The following INTS5 variants were observed in gnomAD, a reference collection of about 807,000 sequenced individuals.
INTS5 encodes KIAA1698.
Under a neutral mutation model 60.0 loss-of-function variants are expected in INTS5, and 29 were observed. The observed-to-expected ratio is 0.48, with a 90% CI of 0.36 to 0.66. INTS5 has a LOEUF of 0.66. INTS5 is among the 30% of genes least tolerant of loss of function. INTS5 has a pLI of 0.00. For synonymous variants in INTS5, 588 were observed against 558.8 expected (o/e 1.05, Z -0.74); for missense variants, 1,129 against 1,307.9 (o/e 0.86, Z 2.11).
intron 1 of INTS5, among the ~76,000 whole-genome samples, chr11:62,651,910 C>A (rs568585115): frequency 1.8e-4 from 27 of 152,204 alleles, no homozygotes; most frequent in African/African-American, 6.5e-4. Flanking sequence ...GTGTAGGAAC[C>A]ATTTCTGTGC....
At position 62,653,223 on chromosome 11, in the gene INTS5, C is replaced by T; in HGVS notation, c.27G>A (p.Gly9=). 1 of 1,246,420 alleles carries T rather than the reference C, an allele frequency of 8.0e-7. No homozygotes were observed. Among genetic ancestry groups the T allele is most frequent in the Non-Finnish European group, 1.0e-6 (1 of 987,672 alleles). The allele number at this position is 1,246,420 out of a possible 1,614,324, so 77.2% of individuals were successfully genotyped here. MSALCDPP[G]APGPPGPAPA... ...GGGCAGGCCCAGGTGGCCCTGGGGC[C>T]CCGGGAGGGTCGCACAGCGCGGACA... is the stretch of plus-strand genomic sequence containing the variant. Residue 9 remains glycine, a synonymous_variant, in exon 1 of 2, where the codon GGG becomes GGA. Coordinates refer to ENST00000330574, the MANE Select transcript of INTS5 (RefSeq NM_030628.2).
Position 62,653,050 on chromosome 11 carries a change from G to C in INTS5, c.80+120C>G, listed in dbSNP as rs543991546. The C allele has an allele frequency of 1.9e-3, 1,159 of 618,886 alleles. 5 individuals carry two copies. The highest frequency in any genetic ancestry group is 2.5e-3 in the Non-Finnish European group (1,054 of 420,414). The allele number at this position is 618,886 out of a possible 1,614,324, so 38.3% of individuals were successfully genotyped here. ...CAGTCCCTGAGTTCTGGGAGGACCT[G>C]ACCAAGAATCTGAGAACCCTGACGT... is the stretch of plus-strand genomic sequence containing the variant. On this transcript the variant is annotated intron_variant, in intron 1 of 1. Coordinates refer to ENST00000330574, the MANE Select transcript of INTS5 (RefSeq NM_030628.2).
At position 62,649,115 on chromosome 11, in the gene INTS5, G is replaced by C; in HGVS notation, c.965C>G (p.Ala322Gly). The change falls in exon 2 of 2, where the codon GCA becomes GGA. Residue 322 changes from alanine to glycine, a missense_variant. Coordinates refer to ENST00000330574, the MANE Select transcript of INTS5 (RefSeq NM_030628.2). The surrounding 1 kb of genome is among the most constrained non-coding windows in gnomAD (Gnocchi z 6.0). ...CCCACTGCGGCCTCCAGATCCCCCTGCCAGGCTATCATGGAACATTCGCAG... is the reference window on the plus strand; with the variant it reads ...CCCACTGCGGCCTCCAGATCCCCCTCCCAGGCTATCATGGAACATTCGCAG... Reference protein sequence around the residue: ...ELLRMFHDSLAGGSGGRSGDP... With the variant: ...ELLRMFHDSLGGGSGGRSGDP... 6.2e-7 allele frequency: 1 copy of C among 1,611,226 alleles called. No homozygotes were observed. Among genetic ancestry groups the C allele is most frequent in the Non-Finnish European group, 8.5e-7 (1 of 1,177,682 alleles).
chr11:62,653,235 G>A lies in INTS5; in HGVS notation c.15C>T (p.Cys5=). 1 of 1,244,902 alleles carries A rather than the reference G, an allele frequency of 8.0e-7. No individual in the cohort carries two copies. Among genetic ancestry groups the A allele is most frequent in the South Asian group, 4.1e-5 (1 of 24,360 alleles). 77.1% of individuals were successfully genotyped at this position (1,244,902 alleles called of 1,614,324 possible). A position where few individuals can be genotyped will look rare whatever the true frequency, so the allele number is the denominator to read the frequency against. The change falls in exon 1 of 2, where the codon TGC becomes TGT. Residue 5 remains cysteine, a synonymous_variant. Coordinates refer to ENST00000330574, the MANE Select transcript of INTS5 (RefSeq NM_030628.2). ...GTGGCCCTGGGGCCCCGGGAGGGTC[G>A]CACAGCGCGGACATCCCGGAGCCCG... MSAL[C]DPPGAPGPPG...
In INTS5 at chr11:62,647,924, A is replaced by C; in HGVS notation, c.2156T>G (p.Val719Gly). 1 of 1,614,206 alleles carries C rather than the reference A, an allele frequency of 6.2e-7. No individual in the cohort carries two copies. Among genetic ancestry groups the C allele is most frequent in the Non-Finnish European group, 8.5e-7 (1 of 1,180,038 alleles). The change falls in exon 2 of 2, where the codon GTT becomes GGT. Residue 719 changes from valine to glycine, a missense_variant. Physicochemically the swap from Val to Gly is moderately radical, Grantham distance 109. Transcript: ENST00000330574. ...VDGDNETLSVVSASLASASLL... is the reference protein window; with the variant it reads ...VDGDNETLSVGSASLASASLL... ...GGAGGCAGAAGCCAAAGAAGCTGAA[A>C]CAACTGAGAGAGTCTCATTGTCCCC...
rs1222331858 is a variant in INTS5, at chr11:62,653,260, G to A, written c.-11C>T. ...GCACAGCGCGGACATCCCGGAGCCC[G>A]AGCCGAGCCCGAGGCGCGAGCGGCG... On this transcript the variant is annotated 5_prime_UTR_variant, in exon 1 of 2. Transcript: ENST00000330574. 95 of 1,242,800 alleles carry A rather than the reference G, an allele frequency of 7.6e-5. No homozygotes were observed. Among genetic ancestry groups the A allele is most frequent in the Non-Finnish European group, 8.2e-5 (81 of 987,208 alleles). The allele number at this position is 1,242,800 out of a possible 1,614,324, so 77.0% of individuals were successfully genotyped here. A position where few individuals can be genotyped will look rare whatever the true frequency, so the allele number is the denominator to read the frequency against.
chr11:62,648,089 G>A lies in INTS5; in HGVS notation c.1991C>T (p.Pro664Leu). 1 of 1,614,058 alleles carries A rather than the reference G, an allele frequency of 6.2e-7. No homozygotes were observed. The highest frequency in any genetic ancestry group is 1.1e-5 in the South Asian group (1 of 91,084). ...RFFASLRLHGPPGVASACQLL... is the reference protein window; with the variant it reads ...RFFASLRLHGLPGVASACQLL... ...CTGACAGGCTGAGGCCACACCTGGGGGTCCATGCAGCCTCAGAGAGGCAAA... is the reference window on the plus strand; with the variant it reads ...CTGACAGGCTGAGGCCACACCTGGGAGTCCATGCAGCCTCAGAGAGGCAAA... The change falls in exon 2 of 2, where the codon CCC becomes CTC. Residue 664 changes from proline (P) to leucine (L), a missense_variant. By Grantham distance (98) the Pro-to-Leu change is moderately conservative. This residue lies in a region of INTS5 where 1,070 missense variants were observed against 1,246.1 expected (regional missense o/e 0.86). Coordinates refer to ENST00000330574, the MANE Select transcript of INTS5 (RefSeq NM_030628.2). The surrounding 1 kb of genome is among the most constrained non-coding windows in gnomAD (Gnocchi z 4.4).
chr11:62,651,646 G>GC (rs1478934598), intron 1 of INTS5, among the ~76,000 whole-genome samples: 3 of 151,026 alleles, frequency 2.0e-5, no homozygotes, highest in African/African-American at 7.3e-5. Context: ...TCGCTTGAGC[G>GC]CAAGAGTTCA....
rs935474183 is a variant in INTS5 at position 62,648,158 on chromosome 11, G to A, written c.1922C>T (p.Pro641Leu). The A allele has an allele frequency of 1.9e-6, 3 of 1,613,258 alleles. No homozygotes were observed. The highest frequency in any genetic ancestry group is 1.6e-4 in the Middle Eastern group (1 of 6,082). The change falls in exon 2 of 2, where the codon CCC becomes CTC. Residue 641 changes from proline to leucine, a missense_variant. This residue lies in a region of INTS5 where 1,070 missense variants were observed against 1,246.1 expected (regional missense o/e 0.86). Transcript: ENST00000330574. The surrounding 1 kb of genome is among the most constrained non-coding windows in gnomAD (Gnocchi z 4.4). ...ICPFPSEALS[P>L]SQLLGLVRAG... Reference sequence around the variant, plus strand: ...CCTTACCAGTCCCAGGAGCTGGGAGGGGGATAAGGCTTCAGAAGGAAAGGG... The same window carrying A: ...CCTTACCAGTCCCAGGAGCTGGGAGAGGGATAAGGCTTCAGAAGGAAAGGG...
In INTS5 at chr11:62,649,922, C is replaced by T. The variant is rs570104138; in HGVS notation, c.158G>A (p.Arg53Gln). Residue 53 changes from arginine (R) to glutamine (Q), a missense_variant, in exon 2 of 2, where the codon CGG becomes CAG. Arg to Gln is a conservative substitution (Grantham distance 43). This residue lies in a region of INTS5 where 1,070 missense variants were observed against 1,246.1 expected (regional missense o/e 0.86). Transcript: ENST00000330574. The surrounding 1 kb of genome is among the most constrained non-coding windows in gnomAD (Gnocchi z 6.0). The part of the protein sequence containing the change: ...DPILGHQLSA[R>Q]EHARCGLLLL... ...GAGAAGACCACAGCGAGCATGTTCC[C>T]GGGCTGAGAGTTGGTGGCCCAGAAT... 25 of 1,613,990 alleles carry T rather than the reference C, an allele frequency of 1.5e-5. No homozygotes were observed. The highest frequency in any genetic ancestry group is 4.5e-5 in the East Asian group (2 of 44,892).
chr11:62,649,566 C>A lies in INTS5; in HGVS notation c.514G>T (p.Ala172Ser), dbSNP rs868022906. Residue 172 changes from alanine (A) to serine (S), a missense_variant, in exon 2 of 2, where the codon GCT (alanine) becomes TCT (serine). Ala to Ser is a moderately conservative substitution (Grantham distance 99). Coordinates refer to ENST00000330574, the MANE Select transcript of INTS5 (RefSeq NM_030628.2). This position sits in a 1 kb window ranked among gnomAD's most constrained non-coding sequence, Gnocchi z 6.0. ...QHQRVPHATGALNELLQLWMG... is the reference protein window; with the variant it reads ...QHQRVPHATGSLNELLQLWMG... ...CACAGCTGTAGCAGTTCATTAAGAG[C>A]GCCAGTAGCGTGGGGAACACGCTGG... The A allele has an allele frequency of 3.1e-6, 5 of 1,614,038 alleles. No individual in the cohort carries two copies. In the African/African-American group the frequency reaches 6.7e-5, roughly 22 times the overall value.
chr11:62,650,573 C>T (rs1029885823), intron 1 of INTS5, among the ~76,000 whole-genome samples: 8 of 152,044 alleles, frequency 5.3e-5, no homozygotes, highest in African/African-American at 1.9e-4. Flanking sequence ...CCACCATACC[C>T]GGCTAATTTT....
In INTS5 at chr11:62,653,270, C is replaced by A. The variant is rs1176026583; in HGVS notation, c.-21G>T. ...GACATCCCGGAGCCCGAGCCGAGCC[C>A]GAGGCGCGAGCGGCGGAGCGCAGGC... is the stretch of plus-strand genomic sequence containing the variant. On this transcript the variant is annotated 5_prime_UTR_variant, in exon 1 of 2. Transcript: ENST00000330574. 2 of 1,242,092 alleles carry A rather than the reference C, an allele frequency of 1.6e-6. No homozygotes were observed. The highest frequency in any genetic ancestry group is 1.6e-5 in the African/African-American group (1 of 64,438). 76.9% of individuals were successfully genotyped at this position (1,242,092 alleles called of 1,614,324 possible). A position where few individuals can be genotyped will look rare whatever the true frequency, so the allele number is the denominator to read the frequency against.
At chr11:62,653,016 TTGGTGAAGCAGTCCCTGAGTTC>T (rs1261051388) in intron 1 of INTS5, among the ~76,000 whole-genome samples, 132 bp downstream of exon 1, 1 of 152,106 alleles carries the variant, frequency 6.6e-6, no homozygotes, top group Non-Finnish European at 1.5e-5. Flanking sequence ...GCCCTGAGTT[TTGGTGAAGCAGTCCCTGAGTTC>T]TGGGAGGACC....
At position 62,653,259 on chromosome 11, in the gene INTS5, C is replaced by G. The variant is rs1037432525; in HGVS notation, c.-10G>C. On this transcript the variant is annotated 5_prime_UTR_variant, in exon 1 of 2. Transcript: ENST00000330574. Reference sequence around the variant, plus strand: ...CGCACAGCGCGGACATCCCGGAGCCCGAGCCGAGCCCGAGGCGCGAGCGGC... The same window carrying G: ...CGCACAGCGCGGACATCCCGGAGCCGGAGCCGAGCCCGAGGCGCGAGCGGC... 2.4e-6 allele frequency: 3 copies of G among 1,240,842 alleles called. No homozygotes were observed. The highest frequency in any genetic ancestry group is 3.0e-4 in the Middle Eastern group (1 of 3,342). 76.9% of individuals were successfully genotyped at this position (1,240,842 alleles called of 1,614,324 possible). A position where few individuals can be genotyped will look rare whatever the true frequency, so the allele number is the denominator to read the frequency against.
Position 62,649,832 on chromosome 11 carries a change from T to C in INTS5, c.248A>G (p.Glu83Gly). 1 of 1,614,078 alleles carries C rather than the reference T, an allele frequency of 6.2e-7. No individual in the cohort carries two copies. Among genetic ancestry groups the C allele is most frequent in the Non-Finnish European group, 8.5e-7 (1 of 1,179,966 alleles). Residue 83 changes from glutamate to glycine, a missense_variant, in exon 2 of 2, where the codon GAG (glutamate) becomes GGG (glycine). Around this residue, in one of 3 missense-constraint regions of INTS5, gnomAD observed 1,070 missense variants for 1,246.1 expected, o/e 0.86. Transcript: ENST00000330574. The surrounding 1 kb of genome is among the most constrained non-coding windows in gnomAD (Gnocchi z 6.0). ...GGCAGCCAGGTGGGCCCGGACACTC[T>C]CATCAAAGACACCTCTCAAGTGGTC... Reference protein sequence around the residue: ...VLDHLRGVFDESVRAHLAALD... With the variant: ...VLDHLRGVFDGSVRAHLAALD...
At chr11:62,652,752 T>C (rs2134584411) in intron 1 of INTS5, among the ~76,000 whole-genome samples, 1 of 152,290 alleles carries the variant, frequency 6.6e-6, no homozygotes, top group East Asian at 1.9e-4. Flanking sequence ...GCCATTCCTC[T>C]GTTTCCTCCA....
intron 1 of INTS5, among the ~76,000 whole-genome samples, chr11:62,650,574 G>A (rs572280832): frequency 1.8e-4 from 27 of 152,008 alleles, no homozygotes; most frequent in South Asian, 4.2e-4. Context: ...CACCATACCC[G>A]GCTAATTTTT....
At position 62,649,193 on chromosome 11, in the gene INTS5, C is replaced by A. The variant is rs1944574147; in HGVS notation, c.887G>T (p.Gly296Val). The change falls in exon 2 of 2, where the codon GGC (glycine) becomes GTC (valine). Residue 296 changes from glycine to valine, a missense_variant. By Grantham distance (109) the Gly-to-Val change is moderately radical. Transcript: ENST00000330574. The surrounding 1 kb of genome is among the most constrained non-coding windows in gnomAD (Gnocchi z 6.0). Reference protein sequence around the residue: ...KRVPKIASVVGILGHLASRHG... With the variant: ...KRVPKIASVVVILGHLASRHG... ...GCGGGAGGCCAGGTGACCTAGGATG[C>A]CTACAACTGAGGCAATCTTGGGCAC... 1.2e-6 allele frequency: 2 copies of A among 1,613,966 alleles called. No homozygotes were observed. The highest frequency in any genetic ancestry group is 4.5e-5 in the East Asian group (2 of 44,876).
Sources: allele counts gnomAD v4.1 joint callset (sites outside exome capture counted in the v4.1 genomes callset), GRCh38; gene constraint gnomAD v4.1.1; regional missense constraint gnomAD v4.1.1; non-coding constraint Gnocchi (gnomAD v3.1); transcripts MANE v1.5; gene names NCBI Gene and HGNC (gene_info 2026-07-23, HGNC 2026-07-21).